CPD: variants seen among roughly 807,000 people sequenced by gnomAD.
The protein encoded by CPD is metallocarboxypeptidase D.
In CPD, 69 loss-of-function variants were observed where a neutral mutation model predicts 138.3. That is an observed-to-expected ratio of 0.50 (90% CI 0.41 to 0.61). The LOEUF (loss-of-function observed/expected upper bound fraction) is 0.61. Ranked by LOEUF, CPD falls within the 20% of genes least tolerant of loss-of-function variation. The pLI is 0.00. For missense variants in CPD, 1,432 were observed against 1,733.3 expected (o/e 0.83, Z 3.09); for synonymous variants, 651 against 642.1 (o/e 1.01, Z -0.21).
In CPD at chr17:30,439,198, A is replaced by G; in HGVS notation, c.2230+121A>G. On this transcript the variant is annotated intron_variant, in intron 9 of 20. Transcript: ENST00000225719. ...ATAATTATTTTTAAAACATGGTTTA[A>G]ATAGTTTAAAATATTTAAATAATCT... 5.3e-6 allele frequency: 3 copies of G among 561,760 alleles called. No individual in the cohort carries two copies. In the South Asian group the frequency reaches 7.1e-5, roughly 13 times the overall value. 34.8% of individuals were successfully genotyped at this position (561,760 alleles called of 1,614,324 possible).
In CPD at chr17:30,439,048, CA is replaced by C; in HGVS notation, c.2204del (p.Asn735MetfsTer25). On this transcript the variant is annotated frameshift_variant, in exon 9 of 21. Coordinates refer to ENST00000225719, the MANE Select transcript of CPD (RefSeq NM_001304.5). LOFTEE classifies it high-confidence loss of function. ...YPNEYFPHGI[T>X]NGASWYNVPG... ...AATGAATATTTTCCTCATGGAATAA[CA>C]AATGGAGCTAGTTGGTATAATGTGC... The C allele has an allele frequency of 6.3e-7, 1 of 1,591,898 alleles. No individual in the cohort carries two copies. The highest frequency in any genetic ancestry group is 1.2e-5 in the South Asian group (1 of 86,482).
At chr17:30,412,289 C>A (rs565681512) in intron 2 of CPD, among the ~76,000 whole-genome samples, 1 of 152,158 alleles carries the variant, frequency 6.6e-6, no homozygotes, top group Non-Finnish European at 1.5e-5. Flanking sequence ...AGGTGTCTGT[C>A]GGCCCCTACT....
chr17:30,404,738 C>A (rs1222700206), intron 2 of CPD, among the ~76,000 whole-genome samples: 1 of 151,986 alleles, frequency 6.6e-6, no homozygotes, highest in Admixed American at 6.6e-5. Flanking sequence ...ATGAAAGACA[C>A]TTCATCTTTC....
intron 9 of CPD, 152 bp from the exon 10 acceptor site, chr17:30,442,156 G>A (rs532302821): frequency 1.4e-5 from 8 of 555,818 alleles, no homozygotes; most frequent in East Asian, 5.9e-5. Context: ...TGCTTGTATC[G>A]CAAGCATCAA....
rs373819167 is a variant in CPD, at chr17:30,385,215, G to T, written c.973G>T (p.Ala325Ser). 6.2e-7 allele frequency: 1 copy of T among 1,613,880 alleles called. No homozygotes were observed. The highest frequency in any genetic ancestry group is 8.5e-7 in the Non-Finnish European group (1 of 1,179,926). Reference protein sequence around the residue: ...ETFKDGITNGAHWYDVEGGMQ... With the variant: ...ETFKDGITNGSHWYDVEGGMQ... ...TTTCAAAGATGGAATCACAAACGGC[G>T]CACATTGGTATGATGTGGAAGGTAT... The change falls in exon 2 of 21, where the codon GCA becomes TCA. Residue 325 changes from alanine to serine, a missense_variant. Physicochemically the swap from Ala to Ser is moderately conservative, Grantham distance 99. This residue lies in a region of CPD where 484 missense variants were observed against 477.2 expected (regional missense o/e 1.01). Transcript: ENST00000225719.
At position 30,461,820 on chromosome 17, in the gene CPD, C is replaced by G. The variant is rs1913483711; in HGVS notation, c.3631-57C>G. 3.5e-6 allele frequency: 5 copies of G among 1,431,526 alleles called. No homozygotes were observed. The South Asian group carries it at 7.1e-5, about 20-fold the overall frequency. 88.7% of individuals were successfully genotyped at this position (1,431,526 alleles called of 1,614,324 possible). ...GTTTTGGTCATGCCTCAAGCTAGTG[C>G]CTCTACCATGTCTGGCATTATGACA... is the stretch of plus-strand genomic sequence containing the variant. On this transcript the variant is annotated intron_variant, in intron 18 of 20. Transcript: ENST00000225719.
chr17:30,462,571 T>C (rs1194070917), intron 20 of CPD, 102 bp downstream of exon 20: 2 of 750,546 alleles, frequency 2.7e-6, no homozygotes, highest in Non-Finnish European at 4.5e-6. Flanking sequence ...AACTAATCAC[T>C]TGTCTTCTAA....
At chr17:30,420,652 AAT>A (rs1462936185) in intron 2 of CPD, among the ~76,000 whole-genome samples, 187 bp from the exon 3 acceptor site, 1 of 152,096 alleles carries the variant, frequency 6.6e-6, no homozygotes, top group Non-Finnish European at 1.5e-5. Flanking sequence ...ATTCTTTTTC[AAT>A]GTATATTCCT....
At chr17:30,450,782 C>T (rs1197482667) in intron 13 of CPD, among the ~76,000 whole-genome samples, 1 of 152,104 alleles carries the variant, frequency 6.6e-6, no homozygotes, top group African/African-American at 2.4e-5. Flanking sequence ...TCACTTGAGC[C>T]TAGTAGGTCA....
intron 1 of CPD, among the ~76,000 whole-genome samples, chr17:30,382,962 A>T (rs934713049): frequency 6.6e-6 from 1 of 152,204 alleles, no homozygotes; most frequent in Admixed American, 6.5e-5. Context: ...TGCCGAATGG[A>T]TTACCTGACC....
In CPD at chr17:30,431,809, A is replaced by G. The variant is rs201471087; in HGVS notation, c.2055A>G (p.Glu685=). 8.1e-6 allele frequency: 13 copies of G among 1,613,086 alleles called. No homozygotes were observed. Among genetic ancestry groups the G allele is most frequent in the African/African-American group, 1.3e-5 (1 of 75,014 alleles). Residue 685 remains glutamate (E), a synonymous_variant, in exon 8 of 21, where the codon GAA becomes GAG. Transcript: ENST00000225719. ...TTAACTACCCTTTTGATGATGATGA[A>G]CAAGGACTTGCCACATATAGTAAAT... ...LVVNYPFDDD[E]QGLATYSKSP...
At chr17:30,383,068 C>G (rs1322569734) in intron 1 of CPD, among the ~76,000 whole-genome samples, 1 of 152,052 alleles carries the variant, frequency 6.6e-6, no homozygotes, top group Admixed American at 6.6e-5. Context: ...TTGTTAATAC[C>G]TTAGCTATAG....
At chr17:30,446,282 C>T (rs1161748783) in intron 12 of CPD, among the ~76,000 whole-genome samples, 3 of 151,994 alleles carry the variant, frequency 2.0e-5, no homozygotes, top group Non-Finnish European at 2.9e-5. Context: ...CCCATTAACT[C>T]GTCATTTACA....
intron 2 of CPD, among the ~76,000 whole-genome samples, chr17:30,406,856 G>A (rs890121266): frequency 6.6e-5 from 10 of 152,084 alleles, no homozygotes; most frequent in Admixed American, 6.6e-4. Context: ...GGGTACATGT[G>A]CATAATGTGC....
intron 2 of CPD, among the ~76,000 whole-genome samples, chr17:30,413,846 T>C (rs568280746): frequency 1.2e-4 from 19 of 152,230 alleles, no homozygotes; most frequent in Admixed American, 3.3e-4. Flanking sequence ...GCAACTTCAA[T>C]TGGGGAGGTC....
Position 30,469,799 on chromosome 17 carries a change from G to A in CPD, c.*4985G>A, listed in dbSNP as rs1401553219. On this transcript the variant is annotated 3_prime_UTR_variant, in exon 21 of 21. Coordinates refer to ENST00000225719, the MANE Select transcript of CPD (RefSeq NM_001304.5). ...ACGTTACTTAACTGCTACAGGAAGT[G>A]TGAATAGTGATAACAGTTCTTTTTC... 1 of 152,186 alleles carries A rather than the reference G, an allele frequency of 6.6e-6. No homozygotes were observed. The highest frequency in any genetic ancestry group is 1.5e-5 in the Non-Finnish European group (1 of 68,018). 9.4% of individuals were successfully genotyped at this position (152,186 alleles called of 1,614,324 possible). A position where few individuals can be genotyped will look rare whatever the true frequency, so the allele number is the denominator to read the frequency against.
At chr17:30,403,653 A>G (rs1911733566) in intron 2 of CPD, among the ~76,000 whole-genome samples, 1 of 152,214 alleles carries the variant, frequency 6.6e-6, no homozygotes, top group East Asian at 1.9e-4. Flanking sequence ...GCAACTTGTT[A>G]GGTGATGATG....
chr17:30,391,368 C>A (rs1481024378), intron 2 of CPD, among the ~76,000 whole-genome samples: 2 of 151,898 alleles, frequency 1.3e-5, no homozygotes, highest in African/African-American at 4.8e-5. Flanking sequence ...GAGTTCAAGC[C>A]CAGCCTGGGC....
chr17:30,446,078 G>A, intron 12 of CPD, 58 bp downstream of exon 12: 2 of 1,189,396 alleles, frequency 1.7e-6, no homozygotes, highest in Admixed American at 4.5e-5. Flanking sequence ...ATCAGCATTA[G>A]CCATGTTGAA....
Sources: allele counts gnomAD v4.1 joint callset (sites outside exome capture counted in the v4.1 genomes callset), GRCh38; gene constraint gnomAD v4.1.1; regional missense constraint gnomAD v4.1.1; transcripts MANE v1.5; gene names NCBI Gene and HGNC (gene_info 2026-07-23, HGNC 2026-07-21).